Variants in CTNND2 observed in about 807,000 individuals in gnomAD.
CTNND2 encodes catenin delta-2.
CTNND2 carries 22 observed loss-of-function variants against 144.4 expected under a neutral mutation model. The observed-to-expected ratio is 0.15, with a 90% CI of 0.11 to 0.22. The LOEUF (loss-of-function observed/expected upper bound fraction) is 0.22. Ranked by LOEUF, CTNND2 falls within the 10% of genes least tolerant of loss-of-function variation. The probability of loss-of-function intolerance (pLI) is 1.00; values close to 1 mark genes in which losing one functional copy is unlikely to be tolerated. For synonymous variants in CTNND2, 751 were observed against 695.6 expected (o/e 1.08, Z -1.25); for missense variants, 1,353 against 1,618.8 (o/e 0.84, Z 2.82).
chr5:11,053,045 AT>A lies in CTNND2; in HGVS notation c.2788+29650del, dbSNP rs1385486619. 3.3e-5 allele frequency among the ~76,000 whole-genome samples: 5 copies of A among 152,310 alleles called. No homozygotes were observed. In the South Asian group the frequency reaches 1.0e-3, roughly 32 times the overall value. On this transcript the variant is annotated intron_variant, in intron 16 of 21. Coordinates refer to ENST00000304623, the MANE Select transcript of CTNND2 (RefSeq NM_001332.4). ...TTAAAGATATGACTTAATGTAGGCA[AT>A]TTACTGAAAGTTTCAAAGAGATATA...
chr5:11,318,499 C>T (rs1751720249), intron 9 of CTNND2, among the ~76,000 whole-genome samples: 1 of 152,150 alleles, frequency 6.6e-6, no homozygotes, highest in Non-Finnish European at 1.5e-5. Flanking sequence ...AATCCTAACC[C>T]TCAATCCTTA....
chr5:11,864,883 CTTTTTTTTTTTT>C (rs59068101), intron 1 of CTNND2, among the ~76,000 whole-genome samples: 13 of 56,700 alleles, frequency 2.3e-4, no homozygotes, highest in African/African-American at 3.5e-4. Flanking sequence ...CTTCTTCTTC[CTTTTTTTTTTTT>C]TTTTTTTTTT....
chr5:11,179,515 T>G (rs1760801330), intron 11 of CTNND2, among the ~76,000 whole-genome samples: 1 of 152,124 alleles, frequency 6.6e-6, no homozygotes, highest in Admixed American at 6.5e-5. Context: ...CCACTATGCC[T>G]GGACTAAATA....
intron 10 of CTNND2, among the ~76,000 whole-genome samples, chr5:11,236,380 CCA>C (rs1284210605): frequency 6.6e-6 from 1 of 152,056 alleles, no homozygotes; most frequent in Non-Finnish European, 1.5e-5. Flanking sequence ...GAGAAAACTC[CCA>C]GAGTCGGAAT....
At chr5:11,396,175 T>G (rs1760110887) in intron 6 of CTNND2, among the ~76,000 whole-genome samples, 2 of 152,206 alleles carry the variant, frequency 1.3e-5, no homozygotes, top group Admixed American at 1.3e-4. Context: ...CTTGCAGTTC[T>G]TCATTCCAGA....
intron 11 of CTNND2, among the ~76,000 whole-genome samples, chr5:11,160,927 T>TTATTTA (rs1758711650): frequency 6.6e-6 from 1 of 152,150 alleles, no homozygotes; most frequent in Admixed American, 6.5e-5. Flanking sequence ...ACTAAATAAG[T>TTATTTA]GACTATAAAA....
intron 11 of CTNND2, among the ~76,000 whole-genome samples, chr5:11,184,908 C>G (rs76443995): frequency 6.6e-6 from 1 of 152,140 alleles, no homozygotes; most frequent in Non-Finnish European, 1.5e-5. Context: ...CCGCAGCACT[C>G]GGACTCAATG....
At chr5:11,528,946 C>G (rs1043390025) in intron 3 of CTNND2, among the ~76,000 whole-genome samples, 2 of 152,158 alleles carry the variant, frequency 1.3e-5, no homozygotes, top group Non-Finnish European at 1.5e-5. Flanking sequence ...AAGAGACACA[C>G]TTGAGTTTCT....
At chr5:11,860,138 T>A (rs4571469) in intron 1 of CTNND2, among the ~76,000 whole-genome samples, 1 of 152,062 alleles carries the variant, frequency 6.6e-6, no homozygotes, top group African/African-American at 2.4e-5. Flanking sequence ...TGTGAAAACT[T>A]GACAATTTTA....
chr5:11,660,894 A>T (rs1015029527), intron 2 of CTNND2, among the ~76,000 whole-genome samples: 1 of 152,178 alleles, frequency 6.6e-6, no homozygotes, highest in Non-Finnish European at 1.5e-5. Context: ...CATTTAATTT[A>T]AAAATCTTGA....
rs1306493312 is a variant in CTNND2 at position 11,240,985 on chromosome 5, A to T, written c.1629-4162T>A. Reference sequence around the variant, plus strand: ...ATACATATACACCCACATCATGCACACACACCCAACACACACACCAAACAC... The same window carrying T: ...ATACATATACACCCACATCATGCACTCACACCCAACACACACACCAAACAC... On this transcript the variant is annotated intron_variant, in intron 9 of 21. Transcript: ENST00000304623. Among the ~76,000 whole-genome samples, 6 of 147,494 alleles carry T rather than the reference A, an allele frequency of 4.1e-5. No homozygotes were observed. In the East Asian group the frequency reaches 1.2e-3, roughly 30 times the overall value.
At chr5:11,136,899 C>A (rs887293041) in intron 12 of CTNND2, among the ~76,000 whole-genome samples, 7 of 152,236 alleles carry the variant, frequency 4.6e-5, no homozygotes, top group African/African-American at 1.7e-4. Context: ...CTTAGGAGGG[C>A]TTTCCCTGAT....
intron 16 of CTNND2, among the ~76,000 whole-genome samples, chr5:11,059,780 C>A (rs933885210): frequency 4.6e-5 from 7 of 152,008 alleles, no homozygotes; most frequent in Non-Finnish European, 1.0e-4. Context: ...CATTCACCTA[C>A]CACCAAGATT....
chr5:11,082,785 A>G lies in CTNND2; in HGVS notation c.2699T>C (p.Leu900Pro). 1 of 1,614,220 alleles carries G rather than the reference A, an allele frequency of 6.2e-7. No individual in the cohort carries two copies. Among genetic ancestry groups the G allele is most frequent in the Non-Finnish European group, 8.5e-7 (1 of 1,180,044 alleles). Residue 900 changes from leucine to proline, a missense_variant, in exon 16 of 22, where the codon CTG (leucine) becomes CCG (proline). Physicochemically the swap from Leu to Pro is moderately conservative, Grantham distance 98. Around this residue, in one of 4 missense-constraint regions of CTNND2, gnomAD observed 459 missense variants for 674.3 expected, o/e 0.68. Coordinates refer to ENST00000304623, the MANE Select transcript of CTNND2 (RefSeq NM_001332.4). ...CACACGGTCATTGTCTATTCGGAGC[A>G]GCTCCACGAGGATGGGCAGGCCTTT... ...KEKGLPILVE[L>P]LRIDNDRVVC...
At chr5:11,498,261 A>C (rs1770174947) in intron 3 of CTNND2, among the ~76,000 whole-genome samples, 1 of 152,114 alleles carries the variant, frequency 6.6e-6, no homozygotes, top group African/African-American at 2.4e-5. Flanking sequence ...ACATACACAT[A>C]TGCATTTGCA....
chr5:11,012,885 A>G (rs900441045), intron 18 of CTNND2, among the ~76,000 whole-genome samples: 5 of 152,204 alleles, frequency 3.3e-5, no homozygotes, highest in Admixed American at 1.3e-4. Flanking sequence ...CTATATTACC[A>G]AAGGGATACC....
chr5:11,584,221 T>A (rs751813567), intron 2 of CTNND2, among the ~76,000 whole-genome samples: 4 of 152,118 alleles, frequency 2.6e-5, no homozygotes, highest in Non-Finnish European at 5.9e-5. Flanking sequence ...GCGAAAGCTA[T>A]GCAATAAATA....
At chr5:11,901,684 G>C (rs949624811) in intron 1 of CTNND2, among the ~76,000 whole-genome samples, 4 of 152,078 alleles carry the variant, frequency 2.6e-5, no homozygotes, top group Non-Finnish European at 4.4e-5. Flanking sequence ...ACAACCTCAC[G>C]TACTTACCAC....
intron 3 of CTNND2, among the ~76,000 whole-genome samples, chr5:11,544,856 C>T (rs6866545): frequency 0.39 from 58,718 of 151,830 alleles, 12,598 homozygotes; most frequent in Middle Eastern, 0.57. Flanking sequence ...TGGTGGCTCA[C>T]GCCTGAAATC....
Sources: gnomAD v4.1 joint callset for allele counts (sites outside exome capture counted in the v4.1 genomes callset) on GRCh38, gnomAD v4.1.1 for gene constraint, gnomAD v4.1.1 regional missense constraint, MANE v1.5 for transcripts, NCBI Gene and HGNC (gene_info 2026-07-23, HGNC 2026-07-21) for gene names.